AK8: variants seen among roughly 807,000 people sequenced by gnomAD.
The protein encoded by AK8 is ATP-AMP transphosphorylase 8.
In AK8, 44 loss-of-function variants were observed where a neutral mutation model predicts 54.6. That is an observed-to-expected ratio of 0.81 (90% CI 0.63 to 1.04). The LOEUF (loss-of-function observed/expected upper bound fraction) is 1.04. AK8 is among the 50% of genes least tolerant of loss of function. AK8 has a pLI of 0.00. For synonymous variants in AK8, 239 were observed against 245.6 expected, an observed-to-expected ratio of 0.97 and a Z score of 0.25; for missense variants, 555 against 613.6, an observed-to-expected ratio of 0.90 and a Z score of 1.01.
chr9:132,807,309 C>T (rs907687406), intron 10 of AK8, among the ~76,000 whole-genome samples: 3 of 152,234 alleles, frequency 2.0e-5, no homozygotes, highest in African/African-American at 7.2e-5. Flanking sequence ...AAGCTACAGT[C>T]TAGCTCAGAA....
chr9:132,806,543 C>T (rs1227078005), intron 10 of AK8, among the ~76,000 whole-genome samples: 2 of 152,174 alleles, frequency 1.3e-5, no homozygotes, highest in Non-Finnish European at 2.9e-5. Flanking sequence ...TGCAGCTGGC[C>T]GAGGCTGCTC....
At chr9:132,777,190 G>A (rs182730721) in intron 11 of AK8, among the ~76,000 whole-genome samples, 76 of 152,234 alleles carry the variant, frequency 5.0e-4, no homozygotes, top group African/African-American at 1.7e-3. Context: ...TGGGTTGAAC[G>A]TACTTCTCAG....
At position 132,860,567 on chromosome 9, in the gene AK8, G is replaced by A. The variant is rs1179728625; in HGVS notation, c.333+3098C>T. On this transcript the variant is annotated intron_variant, in intron 4 of 12. Coordinates refer to ENST00000298545, the MANE Select transcript of AK8 (RefSeq NM_152572.3). This position sits in a 1 kb window ranked among gnomAD's most constrained non-coding sequence, Gnocchi z 4.4. ...GGGGAGCTGGAGGTGTCTCTCTAGA[G>A]GTGGGCATTCTACAGGACTAGACAG... Among the ~76,000 whole-genome samples, 1 of 152,240 alleles carries A rather than the reference G, an allele frequency of 6.6e-6. No individual in the cohort carries two copies. Among genetic ancestry groups the A allele is most frequent in the African/African-American group, 2.4e-5 (1 of 41,460 alleles).
At chr9:132,871,520 C>T (rs1843830910) in intron 2 of AK8, among the ~76,000 whole-genome samples, 1 of 152,214 alleles carries the variant, frequency 6.6e-6, no homozygotes. Flanking sequence ...CTCTCCAAAA[C>T]AGTGGTTCCT....
chr9:132,790,399 C>T lies in AK8; in HGVS notation c.1121+2235G>A, dbSNP rs761601892. 8.5e-5 allele frequency among the ~76,000 whole-genome samples: 13 copies of T among 152,070 alleles called. No homozygotes were observed. The highest frequency in any genetic ancestry group is 1.3e-4 in the Admixed American group (2 of 15,284). On this transcript the variant is annotated intron_variant, in intron 11 of 12. Transcript: ENST00000298545. This position sits in a 1 kb window ranked among gnomAD's most constrained non-coding sequence, Gnocchi z 4.1. The stretch of plus-strand genomic sequence containing the variant: ...CCAAGTAGCTGGGACTACAGGCGGC[C>T]GCCACCACGTCCAGCTAATTTTTTG...
intron 5 of AK8, among the ~76,000 whole-genome samples, chr9:132,836,617 G>A (rs923649390): frequency 1.3e-5 from 2 of 152,062 alleles, no homozygotes; most frequent in African/African-American, 2.4e-5. Flanking sequence ...TTCTGGCCTC[G>A]AGTCATCCTC....
At chr9:132,760,259 C>T (rs1838391097) in intron 11 of AK8, among the ~76,000 whole-genome samples, 1 of 151,896 alleles carries the variant, frequency 6.6e-6, no homozygotes, top group African/African-American at 2.4e-5. Context: ...TTATAGCTCA[C>T]TGCAGCCCTG....
intron 5 of AK8, among the ~76,000 whole-genome samples, chr9:132,849,020 T>C (rs1297918773): frequency 1.3e-5 from 2 of 149,576 alleles, no homozygotes; most frequent in Admixed American, 6.7e-5. Flanking sequence ...GCGATTCTCC[T>C]ACCTCAGCCT....
At chr9:132,762,825 T>G (rs1838545269) in intron 11 of AK8, among the ~76,000 whole-genome samples, 1 of 151,984 alleles carries the variant, frequency 6.6e-6, no homozygotes, top group Admixed American at 6.6e-5. Flanking sequence ...TTGCATGAGC[T>G]GAGATTGTGC....
chr9:132,816,209 C>A (rs1440141262), intron 9 of AK8, among the ~76,000 whole-genome samples: 1 of 151,904 alleles, frequency 6.6e-6, no homozygotes, highest in Non-Finnish European at 1.5e-5. Flanking sequence ...CAAAAATTAG[C>A]CCAGTGTGGT....
Position 132,867,597 on chromosome 9 carries a change from C to A in AK8, c.170-644G>T, listed in dbSNP as rs537365391. Among the ~76,000 whole-genome samples the A allele has an allele frequency of 2.3e-4, 35 of 152,360 alleles. No individual in the cohort carries two copies. In the East Asian group the frequency reaches 6.6e-3, roughly 29 times the overall value. On this transcript the variant is annotated intron_variant, in intron 2 of 12. Transcript: ENST00000298545. ...AACCACAGGCTCCTGAACCTGTGAC[C>A]GAGAGTCTGGGCTCACCCGGCAGGT...
At chr9:132,772,642 T>A (rs1005608378) in intron 11 of AK8, among the ~76,000 whole-genome samples, 4 of 152,216 alleles carry the variant, frequency 2.6e-5, no homozygotes, top group African/African-American at 9.6e-5. Flanking sequence ...AGTAGATTTC[T>A]AAGAGGCATC....
intron 11 of AK8, among the ~76,000 whole-genome samples, chr9:132,733,523 T>C (rs1836958742): frequency 1.3e-5 from 2 of 152,222 alleles, no homozygotes. Context: ...GGGAATGGCT[T>C]GTGAAAGGCT....
In AK8 at chr9:132,781,628, T is replaced by C. The variant is rs1319687498; in HGVS notation, c.1121+11006A>G. ...ACCTTCCTTAAAAAAAGAGCCTTTG[T>C]AGATTTTCATATCTGAATTATAGAT... On this transcript the variant is annotated intron_variant, in intron 11 of 12. Transcript: ENST00000298545. The surrounding 1 kb of genome is among the most constrained non-coding windows in gnomAD (Gnocchi z 4.6). 6.6e-6 allele frequency among the ~76,000 whole-genome samples: 1 copy of C among 152,242 alleles called. No individual in the cohort carries two copies. Among genetic ancestry groups the C allele is most frequent in the Non-Finnish European group, 1.5e-5 (1 of 68,046 alleles).
chr9:132,829,619 G>A (rs573159389), intron 5 of AK8, among the ~76,000 whole-genome samples: 5 of 150,996 alleles, frequency 3.3e-5, no homozygotes, highest in East Asian at 1.9e-4. Flanking sequence ...AACCCTGGAC[G>A]ATGATTCCGG....
At chr9:132,850,894 AT>A (rs1038869564) in intron 5 of AK8, among the ~76,000 whole-genome samples, 7 of 127,516 alleles carry the variant, frequency 5.5e-5, no homozygotes, top group African/African-American at 1.8e-4. Flanking sequence ...CTGTAGGTGC[AT>A]TTAAAAAAAA....
At chr9:132,871,818 T>C (rs1291458489) in intron 2 of AK8, among the ~76,000 whole-genome samples, 2 of 152,172 alleles carry the variant, frequency 1.3e-5, no homozygotes, top group Non-Finnish European at 2.9e-5. Flanking sequence ...GCAGCGGAGG[T>C]GGCTGTCCAG....
At chr9:132,870,812 G>A (rs1843792961) in intron 2 of AK8, among the ~76,000 whole-genome samples, 3 of 152,210 alleles carry the variant, frequency 2.0e-5, no homozygotes, top group African/African-American at 7.2e-5. Context: ...GGCTGGAAGG[G>A]GGCACAATGA....
chr9:132,865,193 C>T (rs1843536735), intron 3 of AK8, among the ~76,000 whole-genome samples: 1 of 152,174 alleles, frequency 6.6e-6, no homozygotes, highest in Non-Finnish European at 1.5e-5. Flanking sequence ...GCTTAGAACC[C>T]TACGGCCTGA....
Sources: gnomAD v4.1 joint callset for allele counts (sites outside exome capture counted in the v4.1 genomes callset) on GRCh38, gnomAD v4.1.1 for gene constraint, Gnocchi (gnomAD v3.1) non-coding constraint, MANE v1.5 for transcripts, NCBI Gene and HGNC (gene_info 2026-07-23, HGNC 2026-07-21) for gene names.